The following C10orf71 variants were observed in gnomAD, a reference collection of about 807,000 sequenced individuals.
C10orf71 encodes the protein cardiac-enriched FHL2-interacting protein.
For missense variants in C10orf71, 1,869 were observed against 1,804.5 expected, an observed-to-expected ratio of 1.04 and a Z score of -0.65; for synonymous variants, 758 against 726.3, an observed-to-expected ratio of 1.04 and a Z score of -0.70.
rs865985339 is a variant in C10orf71, at chr10:49,299,216, G to A, written c.-265G>A. The A allele has an allele frequency of 2.0e-5, 3 of 152,136 alleles. No individual in the cohort carries two copies. Among genetic ancestry groups the A allele is most frequent in the Non-Finnish European group, 4.4e-5 (3 of 68,076 alleles). The allele number at this position is 152,136 out of a possible 1,614,324, so 9.4% of individuals were successfully genotyped here. On this transcript the variant is annotated 5_prime_UTR_variant, in exon 1 of 3. Coordinates refer to ENST00000374144, the MANE Select transcript of C10orf71 (RefSeq NM_001135196.2). Reference sequence around the variant, plus strand: ...CCAAGAACACCATTTGGTTTCCCCCGGCTGGGTCTCTATTTAGGTAAGCTT... The same window carrying A: ...CCAAGAACACCATTTGGTTTCCCCCAGCTGGGTCTCTATTTAGGTAAGCTT...
chr10:49,324,268 G>A lies in C10orf71; in HGVS notation c.1723G>A (p.Asp575Asn). 1 of 1,613,844 alleles carries A rather than the reference G, an allele frequency of 6.2e-7. No homozygotes were observed. Among genetic ancestry groups the A allele is most frequent in the South Asian group, 1.1e-5 (1 of 91,062 alleles). ...TGCATCACACATCAATCCCCAGAAG[G>A]ACCCTACAGCTGACCCCAGTGAGCC... is the stretch of plus-strand genomic sequence containing the variant. ...PTASHINPQKDPTADPSEPSA... is the reference protein window; with the variant it reads ...PTASHINPQKNPTADPSEPSA... The change falls in exon 3 of 3, where the codon GAC (aspartate) becomes AAC (asparagine). Residue 575 changes from aspartate (D) to asparagine (N), a missense_variant. Transcript: ENST00000374144.
At chr10:49,310,920 C>T (rs192166253) in intron 1 of C10orf71, among the ~76,000 whole-genome samples, 2 of 152,208 alleles carry the variant, frequency 1.3e-5, no homozygotes, top group Non-Finnish European at 2.9e-5. Context: ...GCGTGGGATA[C>T]ACTTACACTA....
At chr10:49,302,042 G>T (rs139438551) in intron 1 of C10orf71, among the ~76,000 whole-genome samples, 1 of 152,204 alleles carries the variant, frequency 6.6e-6, no homozygotes, top group African/African-American at 2.4e-5. Context: ...AGGATGGCTG[G>T]AGGGAAGGAT....
At chr10:49,320,520 G>A (rs951574017) in intron 2 of C10orf71, among the ~76,000 whole-genome samples, 13 of 152,190 alleles carry the variant, frequency 8.5e-5, no homozygotes, top group African/African-American at 2.9e-4. Context: ...GTCTAATCAT[G>A]GGATAGGCCA....
chr10:49,324,867 G>A lies in C10orf71; in HGVS notation c.2322G>A (p.Met774Ile). ...AGAAGGATGAGAAGGAGAATGTGAT[G>A]CGGAAGGATGAGCTGCAGTACTGTG... is the stretch of plus-strand genomic sequence containing the variant. Reference protein sequence around the residue: ...DSQKDEKENVMRKDELQYCAL... With the variant: ...DSQKDEKENVIRKDELQYCAL... The change falls in exon 3 of 3, where the codon ATG becomes ATA. Residue 774 changes from methionine (M) to isoleucine (I), a missense_variant. Met to Ile is a conservative substitution (Grantham distance 10). Transcript: ENST00000374144. The A allele has an allele frequency of 6.4e-7, 1 of 1,551,828 alleles. No individual in the cohort carries two copies. The highest frequency in any genetic ancestry group is 2.0e-5 in the Admixed American group (1 of 51,008).
intron 1 of C10orf71, among the ~76,000 whole-genome samples, chr10:49,315,483 TTC>T (rs1418143812): frequency 2.0e-5 from 3 of 152,210 alleles, no homozygotes; most frequent in Non-Finnish European, 4.4e-5. Context: ...ACTGCTCCAG[TTC>T]TCTTTGCTGC....
In C10orf71 at chr10:49,326,276, G is replaced by A. The variant is rs1849242188; in HGVS notation, c.3731G>A (p.Arg1244His). ...CGTTCCCTGCCCCCTCCCGTGCACC[G>A]CCACTCCGTGTCCGGCTTCTCGGAG... ...VVRSLPPPVH[R>H]HSVSGFSEPV... The change falls in exon 3 of 3, where the codon CGC becomes CAC. Residue 1244 changes from arginine (R) to histidine (H), a missense_variant. Transcript: ENST00000374144. 1.9e-6 allele frequency: 3 copies of A among 1,550,136 alleles called. No individual in the cohort carries two copies. The highest frequency in any genetic ancestry group is 2.6e-6 in the Non-Finnish European group (3 of 1,146,730).
chr10:49,305,608 G>C (rs1848799037), intron 1 of C10orf71, among the ~76,000 whole-genome samples: 1 of 152,252 alleles, frequency 6.6e-6, no homozygotes, highest in African/African-American at 2.4e-5. Flanking sequence ...CATAGGCACT[G>C]TGTGGAGACT....
In C10orf71 at chr10:49,323,140, C is replaced by T. The variant is rs1164834341; in HGVS notation, c.595C>T (p.Pro199Ser). Reference protein sequence around the residue: ...DSAFLTVRRVPAEVSNTHQNS... With the variant: ...DSAFLTVRRVSAEVSNTHQNS... ...TGCCTTTCTGACAGTCAGGAGGGTGCCCGCTGAAGTTTCCAACACCCATCA... is the reference window on the plus strand; with the variant it reads ...TGCCTTTCTGACAGTCAGGAGGGTGTCCGCTGAAGTTTCCAACACCCATCA... Residue 199 changes from proline to serine, a missense_variant, in exon 3 of 3, where the codon CCC becomes TCC. Physicochemically the swap from Pro to Ser is moderately conservative, Grantham distance 74 (BLOSUM62 -1). Coordinates refer to ENST00000374144, the MANE Select transcript of C10orf71 (RefSeq NM_001135196.2). 1 of 1,613,854 alleles carries T rather than the reference C, an allele frequency of 6.2e-7. No homozygotes were observed. Among genetic ancestry groups the T allele is most frequent in the East Asian group, 2.2e-5 (1 of 44,884 alleles).
chr10:49,327,133 TCTC>T lies in C10orf71; in HGVS notation c.*282_*284del. On this transcript the variant is annotated 3_prime_UTR_variant, in exon 3 of 3. Coordinates refer to ENST00000374144, the MANE Select transcript of C10orf71 (RefSeq NM_001135196.2). Reference sequence around the variant, plus strand: ...CCCAGGCGCACTCTACTCCAGCCCTTCTCCCTCCCTCCCTTCCTCCCTCTCCTG... The same window carrying T: ...CCCAGGCGCACTCTACTCCAGCCCTTCCTCCCTCCCTTCCTCCCTCTCCTG... The T allele has an allele frequency of 9.7e-7, 1 of 1,026,902 alleles. No individual in the cohort carries two copies. Among genetic ancestry groups the T allele is most frequent in the Non-Finnish European group, 1.3e-6 (1 of 747,066 alleles). 63.6% of individuals were successfully genotyped at this position (1,026,902 alleles called of 1,614,324 possible).
intron 2 of C10orf71, among the ~76,000 whole-genome samples, chr10:49,317,659 A>G (rs1422669510): frequency 6.6e-6 from 1 of 152,132 alleles, no homozygotes; most frequent in Admixed American, 6.5e-5. Context: ...AAGACAAGCC[A>G]GAACAACATG....
chr10:49,315,356 C>T (rs1449824065), intron 1 of C10orf71, among the ~76,000 whole-genome samples: 1 of 152,198 alleles, frequency 6.6e-6, no homozygotes, highest in East Asian at 1.9e-4. Flanking sequence ...TCATTCTGAG[C>T]ATTCTGAATA....
intron 1 of C10orf71, among the ~76,000 whole-genome samples, chr10:49,310,530 C>T (rs1370178440): frequency 6.6e-6 from 1 of 152,238 alleles, no homozygotes; most frequent in Admixed American, 6.5e-5. Context: ...TGAGCAACAT[C>T]CTGCACCTCT....
chr10:49,297,440 C>A (rs1460824258), upstream of C10orf71, among the ~76,000 whole-genome samples: 2 of 152,052 alleles, frequency 1.3e-5, no homozygotes, highest in East Asian at 1.9e-4. Flanking sequence ...CCATAAAGTT[C>A]TTCTGTTCAA....
intron 1 of C10orf71, among the ~76,000 whole-genome samples, chr10:49,313,917 A>T (rs1848957318): frequency 6.6e-6 from 1 of 152,082 alleles, no homozygotes; most frequent in African/African-American, 2.4e-5. Context: ...GTTTGCGGGG[A>T]CCATGGTGTG....
At chr10:49,301,360 A>G (rs755766476) in intron 1 of C10orf71, among the ~76,000 whole-genome samples, 1 of 152,142 alleles carries the variant, frequency 6.6e-6, no homozygotes, top group African/African-American at 2.4e-5. Flanking sequence ...TATCTCAATC[A>G]TATGCTTCAT....
At chr10:49,300,461 CAA>C (rs60669434) in intron 1 of C10orf71, among the ~76,000 whole-genome samples, 1,883 of 108,544 alleles carry the variant, frequency 0.017, 37 homozygotes, top group African/African-American at 0.054. Flanking sequence ...CAATTTAATA[CAA>C]AAAAAAAAAA....
intron 1 of C10orf71, among the ~76,000 whole-genome samples, chr10:49,315,184 T>C (rs753875501): frequency 3.9e-5 from 6 of 152,092 alleles, no homozygotes; most frequent in Non-Finnish European, 5.9e-5. Flanking sequence ...TCCAAAGAAA[T>C]AGACACCACC....
rs1246774385 is a variant in C10orf71 at position 49,324,289 on chromosome 10, G to T, written c.1744G>T (p.Glu582Ter). ...PQKDPTADPS[E>*]PSADSYLTLS... ...GAAGGACCCTACAGCTGACCCCAGT[G>T]AGCCCTCTGCAGACAGCTATCTAAC... The change falls in exon 3 of 3, where the codon GAG becomes TAG. Residue 582 changes from glutamate to a stop codon, truncating the protein, a stop_gained. Transcript: ENST00000374144. LOFTEE classifies it low-confidence loss of function (END_TRUNC). 1 of 1,613,896 alleles carries T rather than the reference G, an allele frequency of 6.2e-7. No homozygotes were observed. The highest frequency in any genetic ancestry group is 8.5e-7 in the Non-Finnish European group (1 of 1,179,864).
Sources: gnomAD v4.1 joint callset for allele counts (sites outside exome capture counted in the v4.1 genomes callset) on GRCh38, gnomAD v4.1.1 for gene constraint, MANE v1.5 for transcripts, NCBI Gene and HGNC (gene_info 2026-07-23, HGNC 2026-07-21) for gene names.